The following RTL9 variants were observed in gnomAD, a reference collection of about 807,000 sequenced individuals.
RTL9 encodes retrotransposon Gag like 9.
In RTL9, 19 loss-of-function variants were observed where a neutral mutation model predicts 44.7. The ratio of observed to expected loss-of-function variants is 0.42; its 90% CI spans 0.30 to 0.62. RTL9 has a LOEUF of 0.62. RTL9 is among the 20% of genes least tolerant of loss of function. The pLI is 0.16. For missense variants in RTL9, 1,105 were observed against 1,080.6 expected (o/e 1.02, Z -0.32); for synonymous variants, 407 against 398.9 (o/e 1.02, Z -0.24).
chrX:110,367,976 TATTA>T (rs1275505724), intron 1 of RTL9, among the ~76,000 whole-genome samples: 1 of 70,982 alleles, frequency 1.4e-5, no homozygotes, highest in African/African-American at 8.4e-5. Context: ...GCTGGCTAAT[TATTA>T]TTATTATTAT....
chrX:110,449,206 T>C (rs2068925595), upstream of RTL9, among the ~76,000 whole-genome samples: 1 of 111,060 alleles, frequency 9.0e-6, no homozygotes, highest in Non-Finnish European at 1.9e-5. Flanking sequence ...ACTATTAAGC[T>C]TCTCTGGGTC....
At chrX:110,377,314 C>T (rs1295623361) in intron 1 of RTL9, among the ~76,000 whole-genome samples, 1 of 111,721 alleles carries the variant, frequency 9.0e-6, no homozygotes, top group Non-Finnish European at 1.9e-5. Flanking sequence ...GCAAACCCCA[C>T]CATCCCACCT....
chrX:110,415,725 A>G (rs1199276845), upstream of RTL9, among the ~76,000 whole-genome samples: 2 of 111,414 alleles, frequency 1.8e-5, no homozygotes, highest in African/African-American at 6.5e-5. Flanking sequence ...TTTCTCCCAA[A>G]GCTGGGCCGC....
At chrX:110,397,067 A>G (rs1310070464) in intron 1 of RTL9, among the ~76,000 whole-genome samples, 4 of 112,097 alleles carry the variant, frequency 3.6e-5, no homozygotes, top group Non-Finnish European at 3.8e-5. Flanking sequence ...GCCAAAGCAG[A>G]TGACTCCCAG....
upstream of RTL9, among the ~76,000 whole-genome samples, chrX:110,447,019 C>T (rs2068911593): frequency 9.3e-6 from 1 of 107,411 alleles, no homozygotes; most frequent in Non-Finnish European, 1.9e-5. Context: ...CAGGGCCTGG[C>T]ACAGTAAACG....
chrX:110,408,481 C>T (rs1467683396), intron 1 of RTL9, among the ~76,000 whole-genome samples: 1 of 112,514 alleles, frequency 8.9e-6, no homozygotes, highest in East Asian at 2.8e-4. Flanking sequence ...GCTGGACTTC[C>T]ATGGAGCTGA....
intron 1 of RTL9, chrX:110,439,987 T>G (rs1383112705): frequency 1.8e-5 from 2 of 111,015 alleles, no homozygotes; most frequent in Non-Finnish European, 3.8e-5. Flanking sequence ...ATCCTAAGAA[T>G]AAGATGTTTG....
At chrX:110,359,879 C>G (rs971952848) in intron 1 of RTL9, among the ~76,000 whole-genome samples, 4 of 112,029 alleles carry the variant, frequency 3.6e-5, no homozygotes, top group African/African-American at 1.3e-4. Context: ...AAAGGTGAGA[C>G]TTGAACTTGG....
intron 1 of RTL9, among the ~76,000 whole-genome samples, chrX:110,408,085 G>A (rs1174454253): frequency 3.5e-5 from 4 of 112,878 alleles, no homozygotes; most frequent in Non-Finnish European, 7.5e-5. Context: ...CCCAAAGAGA[G>A]TGGCAACAAC....
At chrX:110,405,093 C>CCCG (rs1569423016) in intron 1 of RTL9, among the ~76,000 whole-genome samples, 1 of 99,441 alleles carries the variant, frequency 1.0e-5, no homozygotes, top group Non-Finnish European at 2.1e-5. Context: ...TTGTGTCCCC[C>CCCG]CCCCCCCCAA....
intron 1 of RTL9, among the ~76,000 whole-genome samples, chrX:110,379,905 C>T (rs898338222): frequency 2.7e-5 from 3 of 111,203 alleles, no homozygotes; most frequent in African/African-American, 9.8e-5. Flanking sequence ...CTATATATAT[C>T]ATAAAATTTA....
rs57937918 is a variant in RTL9, at chrX:110,387,857, CTTTTTTTTTTT to C, written c.-168+28953_-168+28963del. Among the ~76,000 whole-genome samples, 5 of 82,799 alleles carry C rather than the reference CTTTTTTTTTTT, an allele frequency of 6.0e-5. No homozygotes were observed. The East Asian group carries it at 1.7e-3, about 29-fold the overall frequency. The allele number at this position is 82,799 out of a possible 115,157, so 71.9% of individuals were successfully genotyped here. On this transcript the variant is annotated intron_variant, in intron 1 of 2. Transcript: ENST00000520821. The stretch of plus-strand genomic sequence containing the variant: ...TGATATGATCGTTATCTCCCTCTCT[CTTTTTTTTTTT>C]TTTTTTTTTTTGAGACGGTGTCTCA...
intron 1 of RTL9, among the ~76,000 whole-genome samples, chrX:110,433,704 CTT>C (rs200518506): frequency 0.013 from 1,505 of 112,128 alleles, 28 homozygotes; most frequent in African/African-American, 0.046. Context: ...GACAGTGACA[CTT>C]TTAGAAAGCC....
At position 110,453,147 on chromosome X, in the gene RTL9, G is replaced by A. The variant is rs758039767; in HGVS notation, c.2530G>A (p.Ala844Thr). ...ACAAGTGAAGGCTCCCATCTCTGGA[G>A]CAATGTCCATGCCACTAACAAGATC... Residue 844 changes from alanine to threonine, a missense_variant, in exon 1 of 2, where the codon GCA becomes ACA. Transcript: ENST00000540313. 197 of 1,209,996 alleles carry A rather than the reference G, an allele frequency of 1.6e-4. 1 individual carries two copies. In the South Asian group the frequency reaches 3.1e-3, roughly 19 times the overall value.
intron 1 of RTL9, among the ~76,000 whole-genome samples, chrX:110,425,916 G>T (rs2068749482): frequency 8.9e-6 from 1 of 112,036 alleles, no homozygotes; most frequent in South Asian, 3.7e-4. Flanking sequence ...AACATTTATT[G>T]AGTGCTCTGT....
chrX:110,394,850 G>A (rs1181165766), intron 1 of RTL9, among the ~76,000 whole-genome samples: 1 of 112,898 alleles, frequency 8.9e-6, no homozygotes, highest in Non-Finnish European at 1.9e-5. Context: ...CCAGGAAGAG[G>A]AGGCCATCCC....
upstream of RTL9, among the ~76,000 whole-genome samples, chrX:110,416,451 A>G: frequency 8.9e-6 from 1 of 112,035 alleles, no homozygotes; most frequent in East Asian, 2.8e-4. Flanking sequence ...TATTAATATC[A>G]TATGACAGGT....
chrX:110,450,264 A>T (rs2148347918), upstream of RTL9, among the ~76,000 whole-genome samples: 1 of 111,668 alleles, frequency 9.0e-6, no homozygotes, highest in Non-Finnish European at 1.9e-5. Flanking sequence ...TTTGGCCAGA[A>T]GGTGGTGCTG....
chrX:110,364,392 C>T lies in RTL9; in HGVS notation c.-168+5476C>T, dbSNP rs756238824. Among the ~76,000 whole-genome samples the T allele has an allele frequency of 1.3e-4, 15 of 111,441 alleles. No individual in the cohort carries two copies. The South Asian group carries it at 5.7e-3, about 42-fold the overall frequency. ...TTTGGGGGCGGTGACACAATTCAACCCACTATGTATAGCCTAGCTGGGACC... is the reference window on the plus strand; with the variant it reads ...TTTGGGGGCGGTGACACAATTCAACTCACTATGTATAGCCTAGCTGGGACC... On this transcript the variant is annotated intron_variant, in intron 1 of 2. Coordinates refer to the RTL9 transcript ENST00000520821.
Sources: allele counts gnomAD v4.1 joint callset (sites outside exome capture counted in the v4.1 genomes callset), GRCh38; gene constraint gnomAD v4.1.1; transcripts MANE v1.5; gene names NCBI Gene and HGNC (gene_info 2026-07-23, HGNC 2026-07-21).